The following ABR variants were observed in gnomAD, a reference collection of about 807,000 sequenced individuals.
ABR encodes ABR activator of RhoGEF and GTPase.
ABR carries 35 observed loss-of-function variants against 107.2 expected under a neutral mutation model. The ratio of observed to expected loss-of-function variants is 0.33; its 90% CI spans 0.25 to 0.43. The LOEUF is 0.43. Ranked by LOEUF, ABR falls within the 20% of genes least tolerant of loss-of-function variation. The pLI is 1.00. For synonymous variants in ABR, 498 were observed against 462.0 expected, an observed-to-expected ratio of 1.08 and a Z score of -1.00; for missense variants, 815 against 1,115.2, an observed-to-expected ratio of 0.73 and a Z score of 3.83.
At chr17:1,218,073 G>A (rs759236761) in intron 1 of ABR, among the ~76,000 whole-genome samples, 1 of 152,184 alleles carries the variant, frequency 6.6e-6, no homozygotes, top group African/African-American at 2.4e-5. Context: ...CAAGTAATCC[G>A]CTACCTCGGA....
At chr17:1,101,908 T>A (rs916590603) in intron 2 of ABR, among the ~76,000 whole-genome samples, 11 of 152,162 alleles carry the variant, frequency 7.2e-5, no homozygotes, top group African/African-American at 2.6e-4. Context: ...TAACTTTTTG[T>A]ATTTTTAGTA....
intron 21 of ABR, among the ~76,000 whole-genome samples, chr17:1,008,131 C>T (rs928371492): frequency 4.6e-5 from 7 of 152,218 alleles, no homozygotes; most frequent in Admixed American, 4.6e-4. Context: ...CCCTCTGGAT[C>T]CTCTCCTGCT....
At chr17:1,028,256 AT>A (rs564733650) in intron 16 of ABR, among the ~76,000 whole-genome samples, 192 of 141,014 alleles carry the variant, frequency 1.4e-3, no homozygotes, top group Non-Finnish European at 1.5e-3. Flanking sequence ...ATGCCCGGCT[AT>A]TTTTTTTTTT....
Position 1,210,210 on chromosome 17 carries a change from C to T in ABR, c.838+18583G>A, listed in dbSNP as rs1014131974. Among the ~76,000 whole-genome samples, 5 of 152,124 alleles carry T rather than the reference C, an allele frequency of 3.3e-5. No individual in the cohort carries two copies. The highest frequency in any genetic ancestry group is 1.2e-4 in the African/African-American group (5 of 41,422). On this transcript the variant is annotated intron_variant, in intron 1 of 22. Transcript: ENST00000574139. This position sits in a 1 kb window ranked among gnomAD's most constrained non-coding sequence, Gnocchi z 5.6. ...TGTGGGGGCTGTCACTTTTTACCTG[C>T]GTAGAAAGTTCTGACCTAAGCCGGG...
chr17:1,056,214 TTGGTCCAA>T, intron 13 of ABR, 105 bp from the exon 14 acceptor site: 5 of 990,056 alleles, frequency 5.1e-6, no homozygotes, highest in Non-Finnish European at 6.4e-6. Flanking sequence ...CAGCTGAGTC[TTGGTCCAA>T]CATCACCACC....
chr17:1,144,597 A>G (rs2040453302), intron 1 of ABR, among the ~76,000 whole-genome samples: 1 of 151,710 alleles, frequency 6.6e-6, no homozygotes, highest in South Asian at 2.1e-4. Context: ...GCAAAAAAAA[A>G]AAAAGGGGCA....
chr17:1,032,605 C>T (rs936772328), intron 16 of ABR, among the ~76,000 whole-genome samples: 4 of 130,886 alleles, frequency 3.1e-5, no homozygotes, highest in African/African-American at 1.5e-4. Flanking sequence ...CAACCACCCG[C>T]GTCCGTGCTG....
chr17:1,022,120 A>AAAAAAACAAAAAC (rs56033950), intron 16 of ABR, among the ~76,000 whole-genome samples: 17 of 118,388 alleles, frequency 1.4e-4, no homozygotes, highest in African/African-American at 5.8e-4. Flanking sequence ...AAAAAAAAAA[A>AAAAAAACAAAAAC]AAAAACAGAA....
At chr17:1,211,417 C>G (rs2042899913) in intron 1 of ABR, among the ~76,000 whole-genome samples, 1 of 152,192 alleles carries the variant, frequency 6.6e-6, no homozygotes, top group Admixed American at 6.5e-5. Context: ...TTCTGCTGTT[C>G]CTGCAGAGGT....
Position 1,003,884 on chromosome 17 carries a change from C to T in ABR, c.*2196G>A, listed in dbSNP as rs2150672673. ...AGGTTTCGGGCTGCATGGTCCCCGG[C>T]TCACAGGAGACCCTGCTGGGTGTTT... On this transcript the variant is annotated 3_prime_UTR_variant, in exon 23 of 23. Coordinates refer to ENST00000302538, the MANE Select transcript of ABR (RefSeq NM_021962.5). 6.6e-6 allele frequency: 1 copy of T among 152,494 alleles called. No individual in the cohort carries two copies. Among genetic ancestry groups the T allele is most frequent in the African/African-American group, 2.4e-5 (1 of 41,590 alleles). The allele number at this position is 152,494 out of a possible 1,614,324, so 9.4% of individuals were successfully genotyped here. A position where few individuals can be genotyped will look rare whatever the true frequency, so the allele number is the denominator to read the frequency against.
chr17:1,132,026 C>G (rs1247112858), intron 1 of ABR, among the ~76,000 whole-genome samples: 1 of 151,870 alleles, frequency 6.6e-6, no homozygotes, highest in Non-Finnish European at 1.5e-5. Flanking sequence ...GCACACAGCT[C>G]CCCCCTCTTT....
At chr17:1,176,885 AAAAG>A (rs1010133381) in intron 1 of ABR, among the ~76,000 whole-genome samples, 23 of 150,762 alleles carry the variant, frequency 1.5e-4, no homozygotes, top group Non-Finnish European at 3.2e-4. Flanking sequence ...AAAAAAAGAA[AAAAG>A]AAAGAAAGAG....
chr17:1,179,596 C>G lies in ABR; in HGVS notation c.61+71G>C, dbSNP rs935217415. On this transcript the variant is annotated intron_variant, in intron 1 of 22. Transcript: ENST00000302538. This position sits in a 1 kb window ranked among gnomAD's most constrained non-coding sequence, Gnocchi z 4.9. ...CGATCTTGGGGTCCCGATCCCGATC[C>G]TGGGGTCCCGATCTCCATCCTGGGG... The G allele has an allele frequency of 5.0e-6, 7 of 1,398,734 alleles. No individual in the cohort carries two copies. Among genetic ancestry groups the G allele is most frequent in the Non-Finnish European group, 5.6e-6 (6 of 1,062,676 alleles). 86.6% of individuals were successfully genotyped at this position (1,398,734 alleles called of 1,614,324 possible). A position where few individuals can be genotyped will look rare whatever the true frequency, so the allele number is the denominator to read the frequency against.
intron 6 of ABR, 137 bp downstream of exon 6, chr17:1,079,193 G>GCTCACGCTCACGCTCA: frequency 6.8e-7 from 1 of 1,480,758 alleles, no homozygotes; most frequent in Non-Finnish European, 9.0e-7. Context: ...ACACTCACAC[G>GCTCACGCTCACGCTCA]CGCTCACACA....
At chr17:1,021,637 C>A (rs2071655895) in intron 16 of ABR, among the ~76,000 whole-genome samples, 1 of 151,722 alleles carries the variant, frequency 6.6e-6, no homozygotes. Flanking sequence ...AACCCCGTCT[C>A]TACTAAAAAT....
chr17:1,205,155 G>C (rs951355842), intron 1 of ABR, among the ~76,000 whole-genome samples: 25 of 152,038 alleles, frequency 1.6e-4, no homozygotes, highest in Non-Finnish European at 8.8e-5. Flanking sequence ...GCCCACCTCA[G>C]CCTCCCAAAG....
At chr17:1,015,899 C>T (rs995828373) in intron 16 of ABR, among the ~76,000 whole-genome samples, 3 of 152,182 alleles carry the variant, frequency 2.0e-5, no homozygotes, top group Non-Finnish European at 4.4e-5. Flanking sequence ...CGAGGCTCAG[C>T]ATCAATTTGG....
At chr17:1,089,469 C>T (rs541893462) in intron 4 of ABR, among the ~76,000 whole-genome samples, 9 of 152,326 alleles carry the variant, frequency 5.9e-5, no homozygotes, top group South Asian at 2.1e-4. Context: ...AATCTGGCAG[C>T]GCTGGGATTC....
intron 16 of ABR, among the ~76,000 whole-genome samples, chr17:1,020,243 C>T (rs553017340): frequency 3.9e-5 from 6 of 152,228 alleles, no homozygotes; most frequent in South Asian, 2.1e-4. Context: ...CCACCACGCC[C>T]GGCTAATTTT....
Sources: gnomAD v4.1 joint callset for allele counts (sites outside exome capture counted in the v4.1 genomes callset) on GRCh38, gnomAD v4.1.1 for gene constraint, Gnocchi (gnomAD v3.1) non-coding constraint, MANE v1.5 for transcripts, NCBI Gene and HGNC (gene_info 2026-07-23, HGNC 2026-07-21) for gene names.